Variants in LVRN observed in about 807,000 individuals in gnomAD.
LVRN encodes laeverin, also known as aminopeptidase Q.
In LVRN, 99 loss-of-function variants were observed where a neutral mutation model predicts 111.4. The observed-to-expected ratio is 0.89, with a 90% CI of 0.76 to 1.05. The LOEUF is 1.05. Ranked by LOEUF, LVRN falls within the 50% of genes least tolerant of loss-of-function variation. The probability of loss-of-function intolerance (pLI) is 0.00; values close to 1 mark genes in which losing one functional copy is unlikely to be tolerated. For synonymous variants in LVRN, 488 were observed against 449.5 expected, an observed-to-expected ratio of 1.09 and a Z score of -1.08; for missense variants, 1,414 against 1,206.8, an observed-to-expected ratio of 1.17 and a Z score of -2.54.
At chr5:116,018,501 C>T (rs142033772) in intron 18 of LVRN, among the ~76,000 whole-genome samples, 2,713 of 151,950 alleles carry the variant, frequency 0.018, 86 homozygotes, top group African/African-American at 0.062. Flanking sequence ...GGAGAAACCC[C>T]GTCACTACTA....
chr5:115,992,231 A>C lies in LVRN; in HGVS notation c.1214A>C (p.Lys405Thr). The change falls in exon 5 of 20, where the codon AAA (lysine) becomes ACA (threonine). Residue 405 changes from lysine to threonine, a missense_variant. By Grantham distance (78) the Lys-to-Thr change is moderately conservative. Transcript: ENST00000357872. ...LLEPKDQLTE[K>T]KTLISYVVSH... ...GAACCAAAAGATCAACTGACAGAAA[A>C]AAAGACTCTGATCTCCTATGTTGTC... 1.2e-6 allele frequency: 2 copies of C among 1,614,048 alleles called. No individual in the cohort carries two copies. Among genetic ancestry groups the C allele is most frequent in the Non-Finnish European group, 8.5e-7 (1 of 1,179,934 alleles).
chr5:116,000,601 G>A lies in LVRN; in HGVS notation c.1590G>A (p.Leu530=), dbSNP rs1580391083. The A allele has an allele frequency of 1.2e-6, 2 of 1,613,896 alleles. No homozygotes were observed. Among genetic ancestry groups the A allele is most frequent in the East Asian group, 4.5e-5 (2 of 44,866 alleles). The stretch of plus-strand genomic sequence containing the variant: ...CTTTTCTATTTTTACAGTCATATTT[G>A]AAGACATTTTCCTACTCAAACGCTG... ...HLFVSALKSY[L]KTFSYSNAEQ... is the part of the protein sequence containing the mutation. The change falls in exon 9 of 20, where the codon TTG becomes TTA. Residue 530 remains leucine, a synonymous_variant. Coordinates refer to ENST00000357872, the MANE Select transcript of LVRN (RefSeq NM_173800.5).
intron 1 of LVRN, among the ~76,000 whole-genome samples, chr5:115,973,805 C>A (rs1208780943): frequency 6.6e-6 from 1 of 152,070 alleles, no homozygotes; most frequent in Non-Finnish European, 1.5e-5. Flanking sequence ...AGCTGGAGCC[C>A]TTATCTAGTA....
intron 3 of LVRN, among the ~76,000 whole-genome samples, chr5:115,986,241 G>T (rs191403785): frequency 3.3e-5 from 5 of 152,262 alleles, no homozygotes; most frequent in African/African-American, 1.2e-4. Flanking sequence ...CAAGTTAAAC[G>T]TGCATGGCTT....
At chr5:115,996,409 CCT>C (rs1042160374) in intron 6 of LVRN, among the ~76,000 whole-genome samples, 3 of 152,144 alleles carry the variant, frequency 2.0e-5, no homozygotes, top group African/African-American at 7.2e-5. Context: ...CTTTTCTATA[CCT>C]CTTAGTTGCT....
rs771238418 is a variant in LVRN, at chr5:115,963,246, G to T, written c.629G>T (p.Gly210Val). The T allele has an allele frequency of 6.2e-7, 1 of 1,612,804 alleles. No homozygotes were observed. The highest frequency in any genetic ancestry group is 8.5e-7 in the Non-Finnish European group (1 of 1,179,918). ...TACGAGCTGCAGCTTAGCTTCTCGG[G>T]CCTGGTGAAGGAAGACCTCAGGGAG... ...SSYELQLSFS[G>V]LVKEDLREGL... Residue 210 changes from glycine to valine, a missense_variant, in exon 1 of 20, where the codon GGC becomes GTC. By Grantham distance (109) the Gly-to-Val change is moderately radical. Coordinates refer to ENST00000357872, the MANE Select transcript of LVRN (RefSeq NM_173800.5).
At chr5:115,994,885 A>C (rs1191155117) in intron 6 of LVRN, among the ~76,000 whole-genome samples, 1 of 152,140 alleles carries the variant, frequency 6.6e-6, no homozygotes, top group Non-Finnish European at 1.5e-5. Flanking sequence ...TTCTGTTATA[A>C]ACCAGAGGTT....
intron 19 of LVRN, among the ~76,000 whole-genome samples, chr5:116,025,600 T>A (rs1748846356): frequency 6.6e-6 from 1 of 152,200 alleles, no homozygotes; most frequent in Non-Finnish European, 1.5e-5. Flanking sequence ...ATTTTGAGCT[T>A]CGGAAGTTGC....
chr5:115,987,993 G>A, intron 4 of LVRN, 54 bp downstream of exon 4: 1 of 1,577,144 alleles, frequency 6.3e-7, no homozygotes, highest in Non-Finnish European at 8.6e-7. Context: ...TTGGGCCCTT[G>A]GTTGAGGCCT....
chr5:116,001,272 T>A (rs200475258), intron 10 of LVRN, 33 bp downstream of exon 10: 1 of 1,608,806 alleles, frequency 6.2e-7, no homozygotes, highest in African/African-American at 1.3e-5. Flanking sequence ...GTCTTCACCT[T>A]CCTTGGGGTT....
chr5:116,003,839 T>C (rs1402237531), intron 12 of LVRN, among the ~76,000 whole-genome samples: 2 of 152,068 alleles, frequency 1.3e-5, no homozygotes, highest in Non-Finnish European at 2.9e-5. Flanking sequence ...CCTCGGCCTC[T>C]CAAAGTGCTG....
chr5:115,975,393 A>G lies in LVRN; in HGVS notation c.696-7894A>G, dbSNP rs1001961458. 112 of 210,470 alleles carry G rather than the reference A, an allele frequency of 5.3e-4. 2 individuals are homozygous for G. The highest frequency in any genetic ancestry group is 9.0e-4 in the Middle Eastern group (1 of 1,106). The allele number at this position is 210,470 out of a possible 1,614,324, so 13.0% of individuals were successfully genotyped here. On this transcript the variant is annotated intron_variant, in intron 1 of 19. Transcript: ENST00000357872. Reference sequence around the variant, plus strand: ...CTTCTATTTGTTTGTCTCCATCTCCACCACCGTATAACAAATGCTTCTAAA... The same window carrying G: ...CTTCTATTTGTTTGTCTCCATCTCCGCCACCGTATAACAAATGCTTCTAAA...
rs756702147 is a variant in LVRN at position 115,999,770 on chromosome 5, C to CT, written c.1390dup (p.Ser464PhefsTer2). On this transcript the variant is annotated frameshift_variant, in exon 7 of 20. Coordinates refer to ENST00000357872, the MANE Select transcript of LVRN (RefSeq NM_173800.5). LOFTEE classifies it high-confidence loss of function. ...CATCTTTTCCTTTATAGAATGAGAT[C>CT]TTTTTTTCTAACATTTTACATAATA... 10 of 1,613,268 alleles carry CT rather than the reference C, an allele frequency of 6.2e-6. No homozygotes were observed. The highest frequency in any genetic ancestry group is 8.5e-6 in the Non-Finnish European group (10 of 1,179,678).
chr5:116,002,554 C>T (rs1057333669), intron 10 of LVRN, among the ~76,000 whole-genome samples: 4 of 152,168 alleles, frequency 2.6e-5, no homozygotes, highest in African/African-American at 7.2e-5. Context: ...AACATACACA[C>T]GCCTTGAAGA....
At chr5:116,014,919 A>C (rs1184104264) in intron 16 of LVRN, among the ~76,000 whole-genome samples, 1 of 151,978 alleles carries the variant, frequency 6.6e-6, no homozygotes, top group Non-Finnish European at 1.5e-5. Flanking sequence ...TGAGCTCTGA[A>C]ACTCTCATTT....
chr5:115,984,081 C>T (rs1747793815), intron 2 of LVRN, among the ~76,000 whole-genome samples: 1 of 152,192 alleles, frequency 6.6e-6, no homozygotes, highest in Non-Finnish European at 1.5e-5. Flanking sequence ...GGTACACCAA[C>T]CCATTTCACA....
At chr5:115,988,185 G>C (rs930124772) in intron 4 of LVRN, among the ~76,000 whole-genome samples, 23 of 152,142 alleles carry the variant, frequency 1.5e-4, no homozygotes, top group African/African-American at 5.3e-4. Context: ...GGTCTCTCCT[G>C]GCTACTCAAT....
At position 116,005,966 on chromosome 5, in the gene LVRN, A is replaced by G. The variant is rs946872773; in HGVS notation, c.2092A>G (p.Lys698Glu). Residue 698 changes from lysine (K) to glutamate (E), a missense_variant and splice_region_variant, in exon 13 of 20, where the codon AAA (lysine) becomes GAA (glutamate). Coordinates refer to ENST00000357872, the MANE Select transcript of LVRN (RefSeq NM_173800.5). ...GATTGATGATGCCTTTTCCTTGTCTAAGTGAGTATATTTTCTTCTCTCATG... is the reference window on the plus strand; with the variant it reads ...GATTGATGATGCCTTTTCCTTGTCTGAGTGAGTATATTTTCTTCTCTCATG... ...QLIDDAFSLS[K>E]NNYIEIETAL... The G allele has an allele frequency of 6.3e-7, 1 of 1,588,164 alleles. No individual in the cohort carries two copies. Among genetic ancestry groups the G allele is most frequent in the Non-Finnish European group, 8.6e-7 (1 of 1,156,918 alleles).
At chr5:116,000,967 G>C in intron 9 of LVRN, 100 bp from the exon 10 acceptor site, 2 of 1,343,114 alleles carry the variant, frequency 1.5e-6, no homozygotes, top group Non-Finnish European at 2.0e-6. Flanking sequence ...TACTACATAA[G>C]TGAGGAAGAG....
Sources: gnomAD v4.1 joint callset for allele counts (sites outside exome capture counted in the v4.1 genomes callset) on GRCh38, gnomAD v4.1.1 for gene constraint, MANE v1.5 for transcripts, NCBI Gene and HGNC (gene_info 2026-07-23, HGNC 2026-07-21) for gene names.